Variants in GFRA1 observed in about 807,000 individuals in gnomAD.
GFRA1 encodes GDNF family receptor alpha-1.
In GFRA1, 16 loss-of-function variants were observed where a neutral mutation model predicts 51.6. The ratio of observed to expected loss-of-function variants is 0.31; its 90% CI spans 0.21 to 0.47. The LOEUF is 0.47. Ranked by LOEUF, GFRA1 falls within the 20% of genes least tolerant of loss-of-function variation. The probability of loss-of-function intolerance (pLI) is 1.00; values close to 1 mark genes in which losing one functional copy is unlikely to be tolerated. For missense variants in GFRA1, 530 were observed against 594.3 expected (o/e 0.89, Z 1.13); for synonymous variants, 270 against 241.3 (o/e 1.12, Z -1.10).
intron 5 of GFRA1, among the ~76,000 whole-genome samples, chr10:116,191,255 G>T (rs562077662): frequency 2.0e-5 from 3 of 152,292 alleles, no homozygotes; most frequent in African/African-American, 7.2e-5. Flanking sequence ...GATTCAAATT[G>T]TAAGTACATA....
At chr10:116,101,609 A>G in intron 6 of GFRA1, among the ~76,000 whole-genome samples, 1 of 152,176 alleles carries the variant, frequency 6.6e-6, no homozygotes, top group Non-Finnish European at 1.5e-5. Context: ...GACAGTGGGG[A>G]GAAAATTATT....
intron 4 of GFRA1, among the ~76,000 whole-genome samples, chr10:116,211,927 G>A (rs1374205675): frequency 2.0e-5 from 3 of 152,076 alleles, no homozygotes; most frequent in Admixed American, 6.6e-5. Context: ...AACAAATGAT[G>A]TCATACATTT....
Position 116,272,667 on chromosome 10 carries a change from C to G in GFRA1, c.-246-392G>C, listed in dbSNP as rs945933949. The G allele has an allele frequency of 6.5e-6, 1 of 152,690 alleles. No individual in the cohort carries two copies. Among genetic ancestry groups the G allele is most frequent in the African/African-American group, 2.4e-5 (1 of 41,548 alleles). 9.5% of individuals were successfully genotyped at this position (152,690 alleles called of 1,614,324 possible). A position where few individuals can be genotyped will look rare whatever the true frequency, so the allele number is the denominator to read the frequency against. ...CTGGCGCCGAAAGAGCCCCTTCTCC[C>G]GGGAAGTTGGCCTCCCCCTCCTCGC... On this transcript the variant is annotated intron_variant, in intron 1 of 10. Coordinates refer to ENST00000355422, the MANE Select transcript of GFRA1 (RefSeq NM_005264.8). This position sits in a 1 kb window ranked among gnomAD's most constrained non-coding sequence, Gnocchi z 4.4.
At chr10:116,207,999 T>A (rs981932881) in intron 5 of GFRA1, among the ~76,000 whole-genome samples, 6 of 152,126 alleles carry the variant, frequency 3.9e-5, no homozygotes, top group African/African-American at 1.2e-4. Flanking sequence ...TTTTTAAATG[T>A]GAATAAGACC....
At chr10:116,220,008 C>T (rs760619996) in intron 4 of GFRA1, among the ~76,000 whole-genome samples, 9 of 152,190 alleles carry the variant, frequency 5.9e-5, no homozygotes, top group Non-Finnish European at 1.2e-4. Flanking sequence ...TTCTAAAGCA[C>T]GATGTTTTTA....
rs951839668 is a variant in GFRA1 at position 116,214,713 on chromosome 10, G to A, written c.419-3068C>T. On this transcript the variant is annotated intron_variant, in intron 4 of 10. Transcript: ENST00000355422. Reference sequence around the variant, plus strand: ...GTCTTTGAAATACGGATTCAGTCTCGACATCCGTCCAGAATCCTCAACCTC... The same window carrying A: ...GTCTTTGAAATACGGATTCAGTCTCAACATCCGTCCAGAATCCTCAACCTC... Among the ~76,000 whole-genome samples, 31 of 152,096 alleles carry A rather than the reference G, an allele frequency of 2.0e-4. 1 individual carries two copies. Among genetic ancestry groups the A allele is most frequent in the African/African-American group, 9.7e-5 (4 of 41,434 alleles).
At chr10:116,130,469 A>G (rs1372408545) in intron 5 of GFRA1, among the ~76,000 whole-genome samples, 14 of 152,124 alleles carry the variant, frequency 9.2e-5, no homozygotes, top group Admixed American at 9.2e-4. Context: ...GAACAAGGAA[A>G]ACAAAGTTGA....
chr10:116,201,864 A>G (rs944017680), intron 5 of GFRA1, among the ~76,000 whole-genome samples: 1 of 152,114 alleles, frequency 6.6e-6, no homozygotes, highest in African/African-American at 2.4e-5. Flanking sequence ...TGAGGCAACA[A>G]AACAGAGAAA....
intron 4 of GFRA1, among the ~76,000 whole-genome samples, chr10:116,216,381 G>C (rs1191778192): frequency 6.6e-6 from 1 of 152,154 alleles, no homozygotes; most frequent in Non-Finnish European, 1.5e-5. Context: ...TTTGTTTTAT[G>C]AGGAGAACTG....
chr10:116,270,854 C>T lies in GFRA1; in HGVS notation c.302G>A (p.Arg101His), dbSNP rs2134831866. Reference protein sequence around the residue: ...RGMKKEKNCLRIYWSMYQSLQ... With the variant: ...RGMKKEKNCLHIYWSMYQSLQ... ...GCTCTGGTACATGCTCCAGTAAATG[C>T]GCAGGCAGTTCTTCTCCTTCTTCAT... Residue 101 changes from arginine to histidine, a missense_variant, in exon 3 of 11, where the codon CGC (arginine) becomes CAC (histidine). By Grantham distance (29) the Arg-to-His change is conservative. Transcript: ENST00000355422. 1 of 1,613,740 alleles carries T rather than the reference C, an allele frequency of 6.2e-7. No homozygotes were observed. The highest frequency in any genetic ancestry group is 8.5e-7 in the Non-Finnish European group (1 of 1,179,986).
intron 6 of GFRA1, among the ~76,000 whole-genome samples, chr10:116,121,999 C>T (rs1266157462): frequency 6.6e-6 from 1 of 152,126 alleles, no homozygotes; most frequent in African/African-American, 2.4e-5. Context: ...TATTTAGCAC[C>T]TCTGAGAGGG....
At chr10:116,130,736 C>G (rs1565597878) in intron 5 of GFRA1, among the ~76,000 whole-genome samples, 1 of 151,932 alleles carries the variant, frequency 6.6e-6, no homozygotes, top group African/African-American at 2.4e-5. Flanking sequence ...TACAAACAAA[C>G]AAAAAACCTC....
intron 8 of GFRA1, among the ~76,000 whole-genome samples, chr10:116,091,467 G>A (rs558554375): frequency 5.3e-5 from 8 of 152,278 alleles, no homozygotes; most frequent in South Asian, 4.2e-4. Context: ...TTAGATAAAC[G>A]GATCCAGGAA....
intron 9 of GFRA1, among the ~76,000 whole-genome samples, chr10:116,069,620 C>T (rs1283768304): frequency 6.6e-6 from 1 of 152,204 alleles, no homozygotes; most frequent in African/African-American, 2.4e-5. Context: ...GGGGACAGAC[C>T]TTGCCAGTCC....
chr10:116,225,884 C>T lies in GFRA1; in HGVS notation c.419-14239G>A, dbSNP rs537890498. On this transcript the variant is annotated intron_variant, in intron 4 of 10. Coordinates refer to ENST00000355422, the MANE Select transcript of GFRA1 (RefSeq NM_005264.8). The stretch of plus-strand genomic sequence containing the variant: ...GATTACAGGCGTGAGTCACTGTACC[C>T]GACTGAAATTAAATATTATCATTAA... Among the ~76,000 whole-genome samples the T allele has an allele frequency of 2.3e-3, 352 of 152,198 alleles. 3 individuals carry two copies. Among genetic ancestry groups the T allele is most frequent in the African/African-American group, 7.7e-3 (321 of 41,534 alleles).
intron 4 of GFRA1, among the ~76,000 whole-genome samples, chr10:116,222,097 T>G (rs146937677): frequency 6.6e-6 from 1 of 152,250 alleles, no homozygotes; most frequent in African/African-American, 2.4e-5. Flanking sequence ...AAGGATGGTA[T>G]GAGAGGCGGT....
At chr10:116,167,940 TTGG>T (rs1960645380) in intron 5 of GFRA1, among the ~76,000 whole-genome samples, 1 of 152,072 alleles carries the variant, frequency 6.6e-6, no homozygotes, top group African/African-American at 2.4e-5. Context: ...CTTTGGGGAC[TTGG>T]TGGGGAAGAT....
rs1177102660 is a variant in GFRA1 at position 116,058,614 on chromosome 10, G to C, written c.*5784C>G. On this transcript the variant is annotated 3_prime_UTR_variant, in exon 11 of 11. Coordinates refer to ENST00000355422, the MANE Select transcript of GFRA1 (RefSeq NM_005264.8). ...CAGTTTCATGAATGATTTGTAAAGA[G>C]AATACAGCGTCTCCGAAGGACATGA... 2.6e-5 allele frequency: 4 copies of C among 152,248 alleles called. No individual in the cohort carries two copies. The highest frequency in any genetic ancestry group is 7.2e-5 in the African/African-American group (3 of 41,464). 9.4% of individuals were successfully genotyped at this position (152,248 alleles called of 1,614,324 possible).
chr10:116,152,312 G>C (rs141887915), intron 5 of GFRA1, among the ~76,000 whole-genome samples: 1 of 152,270 alleles, frequency 6.6e-6, no homozygotes, highest in African/African-American at 2.4e-5. Context: ...ACACATCACC[G>C]TCTTCACAAC....
Sources: gnomAD v4.1 joint callset for allele counts (sites outside exome capture counted in the v4.1 genomes callset) on GRCh38, gnomAD v4.1.1 for gene constraint, Gnocchi (gnomAD v3.1) non-coding constraint, MANE v1.5 for transcripts, NCBI Gene and HGNC (gene_info 2026-07-23, HGNC 2026-07-21) for gene names.